HDAC4: variants seen among roughly 807,000 people sequenced by gnomAD.
HDAC4 encodes the protein histone deacetylase 4.
HDAC4 carries 16 observed loss-of-function variants against 135.1 expected under a neutral mutation model. That is an observed-to-expected ratio of 0.12 (90% confidence interval 0.08 to 0.18). The LOEUF is 0.18. HDAC4 is among the 10% of genes least tolerant of loss of function. The pLI is 1.00. For synonymous variants in HDAC4, 685 were observed against 653.4 expected (o/e 1.05, Z -0.74); for missense variants, 1,143 against 1,511.8 (o/e 0.76, Z 4.05).
chr2:239,400,862 G>GGCA lies in HDAC4; in HGVS notation c.-220+115_-220+116insTGC, dbSNP rs1246763671. On this transcript the variant is annotated intron_variant, in intron 1 of 26. Transcript: ENST00000543185. The surrounding 1 kb of genome is among the most constrained non-coding windows in gnomAD (Gnocchi z 4.7). ...GCTGGGAGGCTGTTCGGGCGGCGGCGGCGGCGGCGCGGGCGGGTGCGCGGG... is the reference window on the plus strand; with the variant it reads ...GCTGGGAGGCTGTTCGGGCGGCGGCGGCAGCGGCGGCGCGGGCGGGTGCGCGGG... 1.4e-5 allele frequency: 2 copies of GGCA among 145,838 alleles called. No individual in the cohort carries two copies. The highest frequency in any genetic ancestry group is 3.1e-5 in the Non-Finnish European group (2 of 65,522). The allele number at this position is 145,838 out of a possible 1,614,324, so 9.0% of individuals were successfully genotyped here.
At chr2:239,194,448 T>C (rs901354354) in intron 3 of HDAC4, among the ~76,000 whole-genome samples, 5 of 152,214 alleles carry the variant, frequency 3.3e-5, no homozygotes, top group Non-Finnish European at 5.9e-5. Flanking sequence ...AATTCTCTTC[T>C]GAAGCTTGGG....
At chr2:239,353,031 T>A in intron 1 of HDAC4, 113 bp from the exon 2 acceptor site, 3 of 352,660 alleles carry the variant, frequency 8.5e-6, no homozygotes, top group Non-Finnish European at 1.6e-5. Context: ...GGAGACAGAA[T>A]CTTGCTCTAT....
intron 4 of HDAC4, among the ~76,000 whole-genome samples, chr2:239,187,742 C>T (rs1209769080): frequency 1.3e-5 from 2 of 152,192 alleles, no homozygotes; most frequent in Non-Finnish European, 2.9e-5. Context: ...GGGTATGGTG[C>T]TTGTGGAGCT....
chr2:239,053,600 G>A lies in HDAC4; in HGVS notation c.3090C>T (p.Ser1030=). ...TGCGCTGCAGGCAGCGCCAGTACTT[G>A]CCTGGGGTGGTGGGGTGAGGAAAGT... ...RSMEKVMEIH[S]KYWRCLQRTT... The change falls in exon 26 of 27, where the codon AGC becomes AGT. Residue 1030 remains serine, a splice_region_variant and synonymous_variant. Transcript: ENST00000543185. The A allele has an allele frequency of 6.2e-7, 1 of 1,613,500 alleles. No individual in the cohort carries two copies. The highest frequency in any genetic ancestry group is 8.5e-7 in the Non-Finnish European group (1 of 1,179,884).
At chr2:239,282,396 T>TACACACCACTCTACAATGC (rs2050835344) in intron 2 of HDAC4, among the ~76,000 whole-genome samples, 2 of 144,640 alleles carry the variant, frequency 1.4e-5, no homozygotes, top group African/African-American at 5.2e-5. Context: ...CCACACAATG[T>TACACACCACTCTACAATGC]ACACACCACT....
chr2:239,277,523 G>T (rs951703221), intron 2 of HDAC4, among the ~76,000 whole-genome samples: 1 of 152,188 alleles, frequency 6.6e-6, no homozygotes, highest in Non-Finnish European at 1.5e-5. Flanking sequence ...GCCCATCGCT[G>T]ATCATCACAC....
intron 1 of HDAC4, among the ~76,000 whole-genome samples, chr2:239,387,118 G>T (rs1351721336): frequency 6.6e-6 from 1 of 152,258 alleles, no homozygotes; most frequent in Non-Finnish European, 1.5e-5. Flanking sequence ...TGTGGCACGT[G>T]CACACGCACG....
chr2:239,191,373 C>T (rs1348040558), intron 3 of HDAC4, among the ~76,000 whole-genome samples: 1 of 152,244 alleles, frequency 6.6e-6, no homozygotes, highest in Non-Finnish European at 1.5e-5. Context: ...TTGTCAGCAA[C>T]TCAGTTCCTA....
At chr2:239,289,077 G>A (rs1287140192) in intron 2 of HDAC4, among the ~76,000 whole-genome samples, 1 of 152,210 alleles carries the variant, frequency 6.6e-6, no homozygotes, top group African/African-American at 2.4e-5. Context: ...CACAGGGAGG[G>A]TCCAAAACAG....
intron 6 of HDAC4, among the ~76,000 whole-genome samples, chr2:239,163,523 G>A (rs1396181616): frequency 6.6e-6 from 1 of 151,484 alleles, no homozygotes; most frequent in Admixed American, 6.6e-5. Flanking sequence ...CGTCACTATG[G>A]AGGTGGGTCC....
intron 8 of HDAC4, among the ~76,000 whole-genome samples, chr2:239,142,682 C>T (rs920613065): frequency 2.0e-5 from 3 of 148,330 alleles, no homozygotes; most frequent in Non-Finnish European, 4.4e-5. Context: ...TGGGTGAGCT[C>T]GGCACTGATC....
At chr2:239,063,710 A>T (rs1024465883) in intron 24 of HDAC4, among the ~76,000 whole-genome samples, 1 of 152,104 alleles carries the variant, frequency 6.6e-6, no homozygotes, top group Non-Finnish European at 1.5e-5. Context: ...CGAGAGCCCA[A>T]CTGTCCTCCC....
intron 2 of HDAC4, among the ~76,000 whole-genome samples, chr2:239,321,885 C>A (rs987561737): frequency 2.0e-5 from 3 of 152,144 alleles, no homozygotes; most frequent in Non-Finnish European, 4.4e-5. Flanking sequence ...GTCTTCACTG[C>A]GAGTCGTCCA....
At chr2:239,339,883 C>T (rs1040490730) in intron 2 of HDAC4, among the ~76,000 whole-genome samples, 1 of 152,152 alleles carries the variant, frequency 6.6e-6, no homozygotes, top group South Asian at 2.1e-4. Flanking sequence ...TCAAGGAAAC[C>T]GCAGCCAAGA....
chr2:239,273,133 G>A (rs1192923607), intron 2 of HDAC4, among the ~76,000 whole-genome samples: 2 of 152,152 alleles, frequency 1.3e-5, no homozygotes, highest in Admixed American at 6.5e-5. Context: ...ATAAATTCCG[G>A]GGACAGGAAT....
chr2:239,363,491 A>G (rs912672151), intron 1 of HDAC4, among the ~76,000 whole-genome samples: 8 of 152,246 alleles, frequency 5.3e-5, no homozygotes, highest in African/African-American at 1.9e-4. Context: ...ATCCATAGGG[A>G]AAACAGGGTC....
At chr2:239,320,979 G>A (rs1453325759) in intron 2 of HDAC4, among the ~76,000 whole-genome samples, 4 of 151,802 alleles carry the variant, frequency 2.6e-5, no homozygotes, top group Non-Finnish European at 4.4e-5. Context: ...GATTTATACC[G>A]CTTTCCTTGT....
intron 7 of HDAC4, among the ~76,000 whole-genome samples, chr2:239,145,966 C>T (rs2041733030): frequency 6.6e-6 from 1 of 152,156 alleles, no homozygotes; most frequent in Admixed American, 6.5e-5. Flanking sequence ...AAGCAAGCTC[C>T]CTAAAACAGC....
intron 17 of HDAC4, among the ~76,000 whole-genome samples, chr2:239,090,556 T>C (rs1283698992): frequency 6.7e-6 from 1 of 149,504 alleles, no homozygotes; most frequent in Admixed American, 6.7e-5. Flanking sequence ...GGCGGGAAGA[T>C]CACTTGAGCC....
Sources: allele counts gnomAD v4.1 joint callset (sites outside exome capture counted in the v4.1 genomes callset), GRCh38; gene constraint gnomAD v4.1.1; non-coding constraint Gnocchi (gnomAD v3.1); transcripts MANE v1.5; gene names NCBI Gene and HGNC (gene_info 2026-07-23, HGNC 2026-07-21).